EIF2AK2: variants seen among roughly 807,000 people sequenced by gnomAD.
EIF2AK2 encodes eukaryotic translation initiation factor 2 alpha kinase 2, also known as interferon-induced, double-stranded RNA-activated protein kinase.
Under a neutral mutation model 70.5 loss-of-function variants are expected in EIF2AK2, and 40 were observed. That is an observed-to-expected ratio of 0.57 (90% CI 0.44 to 0.74). The LOEUF (loss-of-function observed/expected upper bound fraction) is 0.74. Among genes scored for constraint, EIF2AK2 ranks in the 30% least tolerant of loss-of-function variants. The pLI is 0.00. For synonymous variants in EIF2AK2, 198 were observed against 220.9 expected (o/e 0.90, Z 0.92); for missense variants, 555 against 644.3 (o/e 0.86, Z 1.50).
rs985533951 is a variant in EIF2AK2, at chr2:37,103,836, A to G, written c.*3437T>C. The G allele has an allele frequency of 2.0e-5, 3 of 152,166 alleles. No individual in the cohort carries two copies. Among genetic ancestry groups the G allele is most frequent in the Non-Finnish European group, 2.9e-5 (2 of 68,020 alleles). The allele number at this position is 152,166 out of a possible 1,614,324, so 9.4% of individuals were successfully genotyped here. On this transcript the variant is annotated 3_prime_UTR_variant, in exon 17 of 17. Coordinates refer to ENST00000233057, the MANE Select transcript of EIF2AK2 (RefSeq NM_001135651.3). The stretch of plus-strand genomic sequence containing the variant: ...TTGGCCTCTAAATGTTTGTGCATGC[A>G]TTGCCTAAAAAAACATTTTTGGCTG...
chr2:37,155,983 G>A (rs934474501), intron 1 of EIF2AK2, among the ~76,000 whole-genome samples: 2 of 151,446 alleles, frequency 1.3e-5, no homozygotes, highest in Non-Finnish European at 2.9e-5. Context: ...ATGTCACCAG[G>A]TGATAACTAC....
At chr2:37,145,560 T>C (rs59454381) in intron 4 of EIF2AK2, among the ~76,000 whole-genome samples, 86 of 152,098 alleles carry the variant, frequency 5.7e-4, no homozygotes, top group African/African-American at 2.1e-3. Flanking sequence ...AGAAAAAAAA[T>C]TTAAATAAAA....
chr2:37,121,776 A>G (rs911799064), intron 12 of EIF2AK2, among the ~76,000 whole-genome samples: 14 of 152,158 alleles, frequency 9.2e-5, no homozygotes, highest in Admixed American at 5.2e-4. Flanking sequence ...CTGACGGTCA[A>G]TAACTCCTGA....
At chr2:37,148,757 C>A in intron 2 of EIF2AK2, 100 bp downstream of exon 2, 1 of 831,830 alleles carries the variant, frequency 1.2e-6, no homozygotes, top group Non-Finnish European at 2.1e-6. Context: ...GTGTTGTGAC[C>A]CATTTAACAT....
Position 37,148,981 on chromosome 2 carries a change from C to G in EIF2AK2, c.-141G>C, listed in dbSNP as rs924601959. The stretch of plus-strand genomic sequence containing the variant: ...AACTGCTAAAGTTTTGAGGTCATTA[C>G]AATTTACAAATCCAGGAAGGCAAAC... On this transcript the variant is annotated 5_prime_UTR_variant, in exon 2 of 17. Transcript: ENST00000233057. The G allele has an allele frequency of 1.2e-6, 1 of 846,386 alleles. No individual in the cohort carries two copies. Among genetic ancestry groups the G allele is most frequent in the Non-Finnish European group, 2.1e-6 (1 of 478,230 alleles). 52.4% of individuals were successfully genotyped at this position (846,386 alleles called of 1,614,324 possible).
At chr2:37,142,950 C>A (rs1311055626) in intron 4 of EIF2AK2, among the ~76,000 whole-genome samples, 1 of 152,036 alleles carries the variant, frequency 6.6e-6, no homozygotes, top group Non-Finnish European at 1.5e-5. Context: ...ATGTTGGGGC[C>A]GGGCGCGGTG....
At chr2:37,134,862 T>C (rs1675070858) in intron 10 of EIF2AK2, among the ~76,000 whole-genome samples, 1 of 152,212 alleles carries the variant, frequency 6.6e-6, no homozygotes, top group African/African-American at 2.4e-5. Flanking sequence ...TAATTCCTCC[T>C]AGCCAACCTT....
intron 11 of EIF2AK2, among the ~76,000 whole-genome samples, chr2:37,124,008 C>T (rs1674646487): frequency 6.6e-6 from 1 of 151,680 alleles, no homozygotes; most frequent in African/African-American, 2.4e-5. Flanking sequence ...CTCACTCTGT[C>T]ACCCAGGCTG....
chr2:37,140,280 T>C (rs1573030271), intron 5 of EIF2AK2, among the ~76,000 whole-genome samples: 1 of 152,298 alleles, frequency 6.6e-6, no homozygotes, highest in Non-Finnish European at 1.5e-5. Flanking sequence ...ATCCCCACAG[T>C]GCAGATTCCC....
intron 13 of EIF2AK2, among the ~76,000 whole-genome samples, chr2:37,117,931 T>G (rs576787132): frequency 6.6e-6 from 1 of 152,218 alleles, no homozygotes; most frequent in African/African-American, 2.4e-5. Flanking sequence ...TACACCTTCA[T>G]TGTATCTTTT....
At chr2:37,138,438 A>G in intron 7 of EIF2AK2, 71 bp downstream of exon 7, 1 of 1,601,228 alleles carries the variant, frequency 6.2e-7, no homozygotes, top group South Asian at 1.1e-5. Context: ...AATTCTCCTT[A>G]AACATAAAAA....
intron 4 of EIF2AK2, among the ~76,000 whole-genome samples, chr2:37,143,903 C>A (rs1573034633): frequency 6.6e-6 from 1 of 151,834 alleles, no homozygotes; most frequent in African/African-American, 2.4e-5. Flanking sequence ...ACAACAACAA[C>A]AACAAAAAAA....
chr2:37,110,494 T>C (rs1360837754), intron 14 of EIF2AK2, among the ~76,000 whole-genome samples: 2 of 152,066 alleles, frequency 1.3e-5, no homozygotes, highest in Non-Finnish European at 2.9e-5. Context: ...AGGGCAGCAA[T>C]ACAGGATGCA....
chr2:37,107,162 T>C lies in EIF2AK2; in HGVS notation c.*111A>G, dbSNP rs1170049215. ...AAAGATTAGTAAAAATAGTAAAAAA[T>C]TAAAGGAAACATTAAAATAAAAGGT... On this transcript the variant is annotated 3_prime_UTR_variant, in exon 17 of 17. Coordinates refer to ENST00000233057, the MANE Select transcript of EIF2AK2 (RefSeq NM_001135651.3). 2 of 1,301,860 alleles carry C rather than the reference T, an allele frequency of 1.5e-6. No homozygotes were observed. Among genetic ancestry groups the C allele is most frequent in the East Asian group, 5.5e-5 (2 of 36,454 alleles). The allele number at this position is 1,301,860 out of a possible 1,614,324, so 80.6% of individuals were successfully genotyped here. A position where few individuals can be genotyped will look rare whatever the true frequency, so the allele number is the denominator to read the frequency against.
In EIF2AK2 at chr2:37,107,190, A is replaced by G; in HGVS notation, c.*83T>C. 4.1e-6 allele frequency: 6 copies of G among 1,461,422 alleles called. No homozygotes were observed. Among genetic ancestry groups the G allele is most frequent in the Non-Finnish European group, 5.5e-6 (6 of 1,094,222 alleles). 90.5% of individuals were successfully genotyped at this position (1,461,422 alleles called of 1,614,324 possible). ...AAGGAAACATTAAAATAAAAGGTAA[A>G]TATCTATTGATATTCCCTAGCAGAT... On this transcript the variant is annotated 3_prime_UTR_variant, in exon 17 of 17. Transcript: ENST00000233057.
At chr2:37,110,719 AT>A (rs1310969070) in intron 14 of EIF2AK2, among the ~76,000 whole-genome samples, 2 of 152,234 alleles carry the variant, frequency 1.3e-5, no homozygotes, top group Non-Finnish European at 2.9e-5. Flanking sequence ...TTTAACGGGC[AT>A]TTACAAATCA....
intron 1 of EIF2AK2, among the ~76,000 whole-genome samples, chr2:37,154,495 TG>T: frequency 6.6e-6 from 1 of 152,204 alleles, no homozygotes; most frequent in Middle Eastern, 3.4e-3. Flanking sequence ...CAGCATTTGA[TG>T]GGGTTGCGCA....
intron 1 of EIF2AK2, among the ~76,000 whole-genome samples, chr2:37,153,218 C>A (rs1169355897): frequency 6.6e-6 from 1 of 151,984 alleles, no homozygotes; most frequent in Admixed American, 6.6e-5. Context: ...TAAGTACATT[C>A]ACAATGTTGT....
At chr2:37,129,596 G>C (rs1407265109) in intron 10 of EIF2AK2, among the ~76,000 whole-genome samples, 2 of 152,084 alleles carry the variant, frequency 1.3e-5, no homozygotes, top group East Asian at 1.9e-4. Flanking sequence ...CTTTCTTTTG[G>C]ATACTGGGGC....
Sources: allele counts gnomAD v4.1 joint callset (sites outside exome capture counted in the v4.1 genomes callset), GRCh38; gene constraint gnomAD v4.1.1; transcripts MANE v1.5; gene names NCBI Gene and HGNC (gene_info 2026-07-23, HGNC 2026-07-21).